SLIT3: variants seen among roughly 807,000 people sequenced by gnomAD.
The protein encoded by SLIT3 is slit homolog 3 protein.
Under a neutral mutation model 184.0 loss-of-function variants are expected in SLIT3, and 68 were observed. The ratio of observed to expected loss-of-function variants is 0.37; its 90% CI spans 0.30 to 0.45. The LOEUF (loss-of-function observed/expected upper bound fraction) is 0.45. Ranked by LOEUF, SLIT3 falls within the 20% of genes least tolerant of loss-of-function variation. The probability of loss-of-function intolerance (pLI) is 1.00; values close to 1 mark genes in which losing one functional copy is unlikely to be tolerated. For synonymous variants in SLIT3, 831 were observed against 828.6 expected (o/e 1.00, Z -0.05); for missense variants, 1,707 against 2,026.0 (o/e 0.84, Z 3.02).
At chr5:169,252,878 T>G (rs894291236) in intron 1 of SLIT3, among the ~76,000 whole-genome samples, 5 of 152,168 alleles carry the variant, frequency 3.3e-5, no homozygotes, top group South Asian at 2.1e-4. Context: ...AATTCAAGTT[T>G]GAGGAGGGAT....
At chr5:168,831,015 G>C (rs1024503249) in intron 6 of SLIT3, among the ~76,000 whole-genome samples, 1 of 148,474 alleles carries the variant, frequency 6.7e-6, no homozygotes. Flanking sequence ...TGTCCAAGGA[G>C]CAGGGACAGC....
intron 35 of SLIT3, chr5:168,667,455 A>G (rs1761093729): frequency 6.6e-6 from 1 of 152,396 alleles, no homozygotes; most frequent in Non-Finnish European, 1.5e-5. Context: ...TGATATCTGA[A>G]TAAGAAGCAG....
rs78343871 is a variant in SLIT3, at chr5:168,761,035, G to A, written c.1611-99C>T. The A allele has an allele frequency of 3.5e-3, 3,128 of 889,354 alleles. 64 individuals carry two copies. In the African/African-American group the frequency reaches 0.045, roughly 13 times the overall value. 55.1% of individuals were successfully genotyped at this position (889,354 alleles called of 1,614,324 possible). On this transcript the variant is annotated intron_variant, in intron 15 of 35. Transcript: ENST00000519560. ...GCATTGCTGCCTGAACCTCACACTC[G>A]GTGAAGGACCACAGAGCCATCGGAA...
At chr5:168,978,020 G>A (rs943920404) in intron 4 of SLIT3, among the ~76,000 whole-genome samples, 1 of 152,178 alleles carries the variant, frequency 6.6e-6, no homozygotes, top group Admixed American at 6.5e-5. Context: ...CTCCCAGCCT[G>A]CAGGACTCCT....
intron 5 of SLIT3, among the ~76,000 whole-genome samples, chr5:168,878,886 T>A (rs935549099): frequency 6.6e-5 from 10 of 152,144 alleles, no homozygotes; most frequent in African/African-American, 2.4e-4. Flanking sequence ...AGCTAATTTT[T>A]GTATTTTTAG....
chr5:169,273,489 G>A (rs1196692204), intron 1 of SLIT3, among the ~76,000 whole-genome samples: 2 of 152,144 alleles, frequency 1.3e-5, no homozygotes, highest in Non-Finnish European at 2.9e-5. Context: ...CCCAGTCTTG[G>A]CTGCAAATTA....
intron 4 of SLIT3, among the ~76,000 whole-genome samples, chr5:168,968,811 A>G (rs1348494911): frequency 6.6e-6 from 1 of 152,170 alleles, no homozygotes; most frequent in East Asian, 1.9e-4. Flanking sequence ...ACTCAGACAG[A>G]CTTAGGTCTG....
rs1762969697 is a variant in SLIT3 at position 168,722,341 on chromosome 5, G to A, written c.2412-14C>T. Reference sequence around the variant, plus strand: ...TAGCTCAGGATCCTGTGGAAAAGGAGGCATGTGCCCTGTTGTGTCTTTCTA... The same window carrying A: ...TAGCTCAGGATCCTGTGGAAAAGGAAGCATGTGCCCTGTTGTGTCTTTCTA... On this transcript the variant is annotated splice_polypyrimidine_tract_variant and intron_variant, in intron 22 of 35. Transcript: ENST00000519560. The A allele has an allele frequency of 1.2e-5, 19 of 1,613,424 alleles. No individual in the cohort carries two copies. The highest frequency in any genetic ancestry group is 1.6e-5 in the Non-Finnish European group (19 of 1,179,436).
At position 169,212,354 on chromosome 5, in the gene SLIT3, A is replaced by G. The variant is rs546860832; in HGVS notation, c.342-18804T>C. On this transcript the variant is annotated intron_variant, in intron 3 of 35. Transcript: ENST00000519560. The stretch of plus-strand genomic sequence containing the variant: ...GTATCTCACTGTGGTTTTTATTTGC[A>G]TTTCTCTAAATGACCAGTGATGATG... 7.9e-5 allele frequency among the ~76,000 whole-genome samples: 12 copies of G among 152,146 alleles called. No individual in the cohort carries two copies. In the East Asian group the frequency reaches 1.4e-3, roughly 17 times the overall value.
At chr5:168,694,815 T>C (rs1009513940) in intron 28 of SLIT3, among the ~76,000 whole-genome samples, 1 of 152,116 alleles carries the variant, frequency 6.6e-6, no homozygotes, top group African/African-American at 2.4e-5. Flanking sequence ...GCTGGGGTTT[T>C]GCCATGTTGG....
At chr5:169,064,170 T>C (rs1758270759) in intron 4 of SLIT3, among the ~76,000 whole-genome samples, 1 of 152,166 alleles carries the variant, frequency 6.6e-6, no homozygotes, top group Non-Finnish European at 1.5e-5. Flanking sequence ...AGATGCTCTT[T>C]CTGGAATTAT....
At chr5:168,746,336 T>TG (rs1292166068) in intron 20 of SLIT3, among the ~76,000 whole-genome samples, 914 of 40,752 alleles carry the variant, frequency 0.022, 3 homozygotes, top group Admixed American at 0.041. Flanking sequence ...GGTGTGTGAG[T>TG]GTGGTGGTGT....
chr5:169,191,834 G>C (rs529773937), intron 4 of SLIT3, among the ~76,000 whole-genome samples: 152 of 152,156 alleles, frequency 1.0e-3, no homozygotes, highest in Non-Finnish European at 1.9e-3. Flanking sequence ...CTGTGAGCAA[G>C]AACCAGCCCA....
intron 4 of SLIT3, among the ~76,000 whole-genome samples, chr5:168,913,749 A>C (rs150539222): frequency 0.011 from 1,711 of 151,556 alleles, 25 homozygotes; most frequent in East Asian, 0.031. Flanking sequence ...CTCAAAAAAA[A>C]AAACAAACAA....
chr5:169,117,733 G>A (rs888920037), intron 4 of SLIT3, among the ~76,000 whole-genome samples: 2 of 152,136 alleles, frequency 1.3e-5, no homozygotes, highest in East Asian at 3.9e-4. Flanking sequence ...TATTCCCTGC[G>A]ACCCAAAGGG....
intron 1 of SLIT3, among the ~76,000 whole-genome samples, chr5:169,275,304 A>C (rs1266497674): frequency 6.6e-6 from 1 of 152,214 alleles, no homozygotes; most frequent in Non-Finnish European, 1.5e-5. Context: ...ACGACTGTCA[A>C]GTGTCAAAAT....
intron 4 of SLIT3, among the ~76,000 whole-genome samples, chr5:169,055,568 G>T (rs1035444760): frequency 6.6e-6 from 1 of 152,188 alleles, no homozygotes; most frequent in Non-Finnish European, 1.5e-5. Flanking sequence ...AAGGTCGGGC[G>T]CAGTGGCTCA....
chr5:168,718,621 G>A (rs1265770062), intron 23 of SLIT3, among the ~76,000 whole-genome samples: 1 of 150,172 alleles, frequency 6.7e-6, no homozygotes, highest in Non-Finnish European at 1.5e-5. Context: ...TTTGTACTCA[G>A]GGCTAAAAGA....
intron 3 of SLIT3, among the ~76,000 whole-genome samples, chr5:169,235,796 GT>G (rs749987304): frequency 2.6e-5 from 4 of 152,196 alleles, no homozygotes; most frequent in Non-Finnish European, 4.4e-5. Flanking sequence ...GAGATGATGG[GT>G]TTCGGGGAGG....
Sources: gnomAD v4.1 joint callset for allele counts (sites outside exome capture counted in the v4.1 genomes callset) on GRCh38, gnomAD v4.1.1 for gene constraint, MANE v1.5 for transcripts, NCBI Gene and HGNC (gene_info 2026-07-23, HGNC 2026-07-21) for gene names.